CEACAM3: variants seen among roughly 807,000 people sequenced by gnomAD.
The protein encoded by CEACAM3 is cell adhesion molecule CEACAM3.
Under a neutral mutation model 30.1 loss-of-function variants are expected in CEACAM3, and 32 were observed. That is an observed-to-expected ratio of 1.06 (90% CI 0.80 to 1.43). The LOEUF (loss-of-function observed/expected upper bound fraction) is 1.43, where lower values mean the gene tolerates loss of function less well. Ranked by LOEUF, CEACAM3 falls within the 40% of genes most tolerant of loss-of-function variation. The probability of loss-of-function intolerance (pLI) is 0.00; values close to 1 mark genes in which losing one functional copy is unlikely to be tolerated. For synonymous variants in CEACAM3, 134 were observed against 127.2 expected, an observed-to-expected ratio of 1.05 and a Z score of -0.36; for missense variants, 290 against 316.3, an observed-to-expected ratio of 0.92 and a Z score of 0.63.
intron 2 of CEACAM3, among the ~76,000 whole-genome samples, chr19:41,803,468 TTG>T (rs1555826262): frequency 1.5e-3 from 167 of 110,058 alleles, no homozygotes; most frequent in African/African-American, 4.3e-3. Flanking sequence ...GTTGTTTTGT[TTG>T]TTTTTTTTTT....
chr19:41,799,307 GT>G (rs1187322161), intron 2 of CEACAM3, among the ~76,000 whole-genome samples: 1 of 151,992 alleles, frequency 6.6e-6, no homozygotes, highest in Non-Finnish European at 1.5e-5. Flanking sequence ...CTTTAAAAGT[GT>G]GTGGCGCCTC....
chr19:41,810,915 A>G lies in CEACAM3; in HGVS notation c.693+18A>G, dbSNP rs1401660845. 2.4e-5 allele frequency: 38 copies of G among 1,610,826 alleles called. No homozygotes were observed. The highest frequency in any genetic ancestry group is 3.0e-5 in the Non-Finnish European group (35 of 1,177,980). ...TCTATGAGGTGAGTGTGGGCCACGGATGTTCTGGTCCCACAGGCCCCAGGG... is the reference window on the plus strand; with the variant it reads ...TCTATGAGGTGAGTGTGGGCCACGGGTGTTCTGGTCCCACAGGCCCCAGGG... On this transcript the variant is annotated intron_variant, in intron 6 of 6. Transcript: ENST00000357396.
In CEACAM3 at chr19:41,805,998, G is replaced by GT. The variant is rs1491533002; in HGVS notation, c.425-2813dup. Among the ~76,000 whole-genome samples the GT allele has an allele frequency of 3.9e-3, 555 of 144,008 alleles. 6 individuals carry two copies. Among genetic ancestry groups the GT allele is most frequent in the East Asian group, 0.03 (153 of 5,046 alleles). The allele number at this position is 144,008 out of a possible 152,430, so 94.5% of individuals were successfully genotyped here. ...AAGTTGGGATTCTACTCTTCCTGTT[G>GT]TTGTTGTTTGTTGTTGTTGTTGTTG... On this transcript the variant is annotated intron_variant, in intron 2 of 6. Coordinates refer to ENST00000357396, the MANE Select transcript of CEACAM3 (RefSeq NM_001815.5).
intron 4 of CEACAM3, 141 bp from the exon 5 acceptor site, chr19:41,810,182 C>A: frequency 7.7e-7 from 1 of 1,294,390 alleles, no homozygotes. Flanking sequence ...GGTCAGCCCT[C>A]ACCTGTGGGC....
intron 4 of CEACAM3, 49 bp from the exon 5 acceptor site, chr19:41,810,274 G>A (rs782750651): frequency 1.3e-5 from 20 of 1,585,284 alleles, no homozygotes; most frequent in East Asian, 4.5e-5. Context: ...CTGGAGAGGG[G>A]ATAAGGCTCT....
intron 2 of CEACAM3, among the ~76,000 whole-genome samples, chr19:41,802,860 C>A (rs141730177): frequency 7.9e-5 from 12 of 152,278 alleles, no homozygotes; most frequent in African/African-American, 2.9e-4. Flanking sequence ...CCCCCTGTAG[C>A]CATCATGTCC....
At position 41,803,605 on chromosome 19, in the gene CEACAM3, C is replaced by T. The variant is rs373261547; in HGVS notation, c.425-5208C>T. Among the ~76,000 whole-genome samples the T allele has an allele frequency of 1.5e-3, 234 of 151,974 alleles. 2 individuals carry two copies. Among genetic ancestry groups the T allele is most frequent in the African/African-American group, 5.3e-3 (218 of 41,488 alleles). On this transcript the variant is annotated intron_variant, in intron 2 of 6. Transcript: ENST00000357396. ...CCTCAGCCTCCCAAATAGCTGGGAC[C>T]ACAGGCGCCCGCCACCATGCCCGGC...
At chr19:41,809,785 G>A in intron 3 of CEACAM3, 180 bp from the exon 4 acceptor site, 1 of 663,032 alleles carries the variant, frequency 1.5e-6, no homozygotes, top group Admixed American at 2.3e-5. Context: ...GGACAGATGT[G>A]GGTTCCTAAA....
intron 1 of CEACAM3, 152 bp from the exon 2 acceptor site, chr19:41,797,437 G>A: frequency 5.8e-6 from 6 of 1,028,758 alleles, no homozygotes; most frequent in Non-Finnish European, 8.6e-6. Context: ...AGGTGCTGAA[G>A]AAAGAAAGGT....
intron 2 of CEACAM3, among the ~76,000 whole-genome samples, chr19:41,805,189 A>C (rs1555826544): frequency 3.3e-5 from 5 of 151,704 alleles, no homozygotes. Context: ...GATCTCTAGA[A>C]CCTCCATATT....
Position 41,811,297 on chromosome 19 carries a change from G to C in CEACAM3, c.*60G>C. 7.1e-7 allele frequency: 1 copy of C among 1,411,554 alleles called. No homozygotes were observed. Among genetic ancestry groups the C allele is most frequent in the Non-Finnish European group, 1.0e-6 (1 of 998,870 alleles). 87.4% of individuals were successfully genotyped at this position (1,411,554 alleles called of 1,614,324 possible). ...GAGTCCCCAAGGCCCCCAGCCCTGG[G>C]GATGGGGAAGGACATGAAGCCTGAG... On this transcript the variant is annotated 3_prime_UTR_variant, in exon 7 of 7. Transcript: ENST00000357396.
chr19:41,809,046 G>A lies in CEACAM3; in HGVS notation c.542+116G>A, dbSNP rs2073227572. ...TCTCCACGGCCTCCCAAGTCCCCAGGGATCCTTCCCTCTTATTCCACGGCT... is the reference window on the plus strand; with the variant it reads ...TCTCCACGGCCTCCCAAGTCCCCAGAGATCCTTCCCTCTTATTCCACGGCT... On this transcript the variant is annotated intron_variant, in intron 3 of 6. Coordinates refer to ENST00000357396, the MANE Select transcript of CEACAM3 (RefSeq NM_001815.5). 3.3e-5 allele frequency: 24 copies of A among 734,322 alleles called. 1 individual carries two copies. In the South Asian group the frequency reaches 4.7e-4, roughly 14 times the overall value. 45.5% of individuals were successfully genotyped at this position (734,322 alleles called of 1,614,324 possible). A position where few individuals can be genotyped will look rare whatever the true frequency, so the allele number is the denominator to read the frequency against.
Position 41,811,185 on chromosome 19 carries a change from A to G in CEACAM3, c.707A>G (p.His236Arg). ...CTGTTTTAACAGGAATTGCTAAAAC[A>G]TGACACAAACATTTACTGCCGGATG... ...AASIYEELLK[H>R]DTNIYCRMDH... The change falls in exon 7 of 7, where the codon CAT (histidine) becomes CGT (arginine). Residue 236 changes from histidine (H) to arginine (R), a missense_variant. Transcript: ENST00000357396. 1.2e-6 allele frequency: 2 copies of G among 1,614,126 alleles called. No individual in the cohort carries two copies. Among genetic ancestry groups the G allele is most frequent in the Non-Finnish European group, 1.7e-6 (2 of 1,179,992 alleles).
chr19:41,797,450 C>T (rs2073110487), intron 1 of CEACAM3, 139 bp from the exon 2 acceptor site: 5 of 1,114,264 alleles, frequency 4.5e-6, no homozygotes, highest in Non-Finnish European at 6.5e-6. Context: ...AGAAAGGTCA[C>T]GTTACTGACC....
chr19:41,801,878 C>G (rs2073151312), intron 2 of CEACAM3, among the ~76,000 whole-genome samples: 1 of 151,956 alleles, frequency 6.6e-6, no homozygotes, highest in African/African-American at 2.4e-5. Context: ...ATCTTGTGAC[C>G]CTCCCATAAT....
intron 3 of CEACAM3, chr19:41,809,142 A>G: frequency 2.4e-6 from 1 of 420,840 alleles, no homozygotes; most frequent in Non-Finnish European, 4.3e-6. Context: ...TGGCCCAATT[A>G]AGGCCCCACC....
intron 2 of CEACAM3, among the ~76,000 whole-genome samples, chr19:41,801,964 T>C (rs986199309): frequency 2.6e-5 from 4 of 152,214 alleles, no homozygotes; most frequent in Non-Finnish European, 5.9e-5. Flanking sequence ...GGAGGGACTA[T>C]AATCATCCTT....
rs202239084 is a variant in CEACAM3, at chr19:41,810,882, A to C, written c.678A>C (p.Ala226=). Reference sequence around the variant, plus strand: ...CCCCCCTACCCAACCCCAGGACAGCAGCTTCCATCTATGAGGTGAGTGTGG... The same window carrying C: ...CCCCCCTACCCAACCCCAGGACAGCCGCTTCCATCTATGAGGTGAGTGTGG... ...AQAPLPNPRT[A]ASIYEELLKH... The change falls in exon 6 of 7, where the codon GCA becomes GCC. Residue 226 remains alanine (A), a synonymous_variant. Transcript: ENST00000357396. 1 of 1,613,598 alleles carries C rather than the reference A, an allele frequency of 6.2e-7. No homozygotes were observed. Among genetic ancestry groups the C allele is most frequent in the East Asian group, 2.2e-5 (1 of 44,868 alleles).
At chr19:41,805,833 C>T (rs1311192266) in intron 2 of CEACAM3, among the ~76,000 whole-genome samples, 4 of 152,184 alleles carry the variant, frequency 2.6e-5, no homozygotes, top group African/African-American at 9.7e-5. Context: ...CATTTGCAAA[C>T]GTTCATATGT....
Sources: gnomAD v4.1 joint callset for allele counts (sites outside exome capture counted in the v4.1 genomes callset) on GRCh38, gnomAD v4.1.1 for gene constraint, MANE v1.5 for transcripts, NCBI Gene and HGNC (gene_info 2026-07-23, HGNC 2026-07-21) for gene names.